CCDC69: variants seen among roughly 807,000 people sequenced by gnomAD.
CCDC69 encodes the protein coiled-coil domain containing 69.
A neutral mutation model predicts 40.3 loss-of-function variants in CCDC69; 38 were observed. That is an observed-to-expected ratio of 0.94 (90% CI 0.73 to 1.24). The LOEUF (loss-of-function observed/expected upper bound fraction) is 1.24, where lower values mean the gene tolerates loss of function less well. CCDC69 is among the 50% of genes most tolerant of loss of function. The pLI is 0.00. For missense variants in CCDC69, 389 were observed against 357.9 expected (o/e 1.09, Z -0.70); for synonymous variants, 141 against 138.9 (o/e 1.02, Z -0.11).
At position 151,183,493 on chromosome 5, in the gene CCDC69, G is replaced by A; in HGVS notation, c.835C>T (p.Pro279Ser). Reference sequence around the variant, plus strand: ...GTGACAGGGGCCAGAGGGAAGGCAGGCGAGGCATTGGCCCCAAGGACCCGG... The same window carrying A: ...GTGACAGGGGCCAGAGGGAAGGCAGACGAGGCATTGGCCCCAAGGACCCGG... ...LYRVLGANAS[P>S]AFPLAPVTPT... Residue 279 changes from proline (P) to serine (S), a missense_variant, in exon 9 of 9, where the codon CCT becomes TCT. Coordinates refer to ENST00000355417, the MANE Select transcript of CCDC69 (RefSeq NM_015621.3). 1 of 1,607,284 alleles carries A rather than the reference G, an allele frequency of 6.2e-7. No individual in the cohort carries two copies.
chr5:151,213,551 C>A (rs1232127534), intron 1 of CCDC69, among the ~76,000 whole-genome samples: 2 of 152,144 alleles, frequency 1.3e-5, no homozygotes, highest in East Asian at 1.9e-4. Flanking sequence ...CATGCCCGGC[C>A]AACTACCCTC....
chr5:151,185,344 C>G, intron 7 of CCDC69, 78 bp downstream of exon 7: 1 of 1,543,916 alleles, frequency 6.5e-7, no homozygotes, highest in African/African-American at 1.4e-5. Context: ...ACCACCTCCC[C>G]TCTGCATGCT....
intron 1 of CCDC69, among the ~76,000 whole-genome samples, chr5:151,216,674 CCAAAGTGCAGGGATTA>C (rs1402993969): frequency 2.0e-5 from 3 of 152,034 alleles, no homozygotes; most frequent in Admixed American, 6.6e-5. Flanking sequence ...CCTCAGTCTC[CCAAAGTGCAGGGATTA>C]CAGGCGTGAG....
At chr5:151,193,610 T>C (rs1752653998) in intron 4 of CCDC69, among the ~76,000 whole-genome samples, 1 of 152,058 alleles carries the variant, frequency 6.6e-6, no homozygotes, top group African/African-American at 2.4e-5. Context: ...GACCACATGA[T>C]TATATGGATC....
At chr5:151,196,567 A>C (rs1344581122) in intron 4 of CCDC69, among the ~76,000 whole-genome samples, 1 of 152,200 alleles carries the variant, frequency 6.6e-6, no homozygotes, top group East Asian at 1.9e-4. Flanking sequence ...TAACATCAGT[A>C]ATATACATAA....
At chr5:151,205,526 T>C (rs1190422709) in intron 1 of CCDC69, 51 bp from the exon 2 acceptor site, 1 of 1,482,046 alleles carries the variant, frequency 6.7e-7, no homozygotes, top group African/African-American at 1.4e-5. Flanking sequence ...GGGAGGTCAA[T>C]GCGAGGACGG....
chr5:151,184,629 T>C, intron 7 of CCDC69, 188 bp from the exon 8 acceptor site: 2 of 520,678 alleles, frequency 3.8e-6, no homozygotes, highest in Non-Finnish European at 6.9e-6. Flanking sequence ...TGCGGCTTTT[T>C]GCCACAGGAG....
chr5:151,221,145 C>T (rs1051800557), intron 1 of CCDC69, among the ~76,000 whole-genome samples: 3 of 152,156 alleles, frequency 2.0e-5, no homozygotes, highest in South Asian at 2.1e-4. Context: ...AACATCTAGT[C>T]GGCCAAGCCC....
intron 6 of CCDC69, 78 bp downstream of exon 6, chr5:151,185,945 G>A: frequency 1.1e-6 from 1 of 932,646 alleles, no homozygotes. Context: ...CTTGAAGAGG[G>A]GCTGGTCTTT....
chr5:151,204,383 T>C (rs1455439469), intron 2 of CCDC69, among the ~76,000 whole-genome samples: 1 of 152,200 alleles, frequency 6.6e-6, no homozygotes, highest in Non-Finnish European at 1.5e-5. Flanking sequence ...TCCAATTACT[T>C]ATGCGGTACT....
intron 4 of CCDC69, among the ~76,000 whole-genome samples, chr5:151,191,638 A>C (rs1178094372): frequency 6.6e-6 from 1 of 152,236 alleles, no homozygotes; most frequent in Non-Finnish European, 1.5e-5. Flanking sequence ...CTCAAGGAAA[A>C]TAAGACTGAA....
chr5:151,189,505 GC>G (rs1217681702), intron 4 of CCDC69, among the ~76,000 whole-genome samples: 1 of 151,630 alleles, frequency 6.6e-6, no homozygotes, highest in African/African-American at 2.4e-5. Flanking sequence ...GTAAGATAAT[GC>G]CCAAATAGCT....
chr5:151,207,277 A>G (rs964037089), intron 1 of CCDC69, among the ~76,000 whole-genome samples: 2 of 150,606 alleles, frequency 1.3e-5, no homozygotes, highest in Non-Finnish European at 3.0e-5. Flanking sequence ...GCTGAAAAAA[A>G]CTATTTGTAG....
rs1285982945 is a variant in CCDC69 at position 151,182,999 on chromosome 5, A to G, written c.*438T>C. On this transcript the variant is annotated 3_prime_UTR_variant, in exon 9 of 9. Coordinates refer to ENST00000355417, the MANE Select transcript of CCDC69 (RefSeq NM_015621.3). ...ACCATTTTAATGCAGGGGTAAACTG[A>G]GGCTCTGAGCAGGCCAGGGTGGAGT... 4 of 457,970 alleles carry G rather than the reference A, an allele frequency of 8.7e-6. No homozygotes were observed. Among genetic ancestry groups the G allele is most frequent in the African/African-American group, 6.0e-5 (3 of 50,164 alleles). The allele number at this position is 457,970 out of a possible 1,614,324, so 28.4% of individuals were successfully genotyped here. A position where few individuals can be genotyped will look rare whatever the true frequency, so the allele number is the denominator to read the frequency against.
intron 1 of CCDC69, among the ~76,000 whole-genome samples, chr5:151,221,784 G>T (rs1004871171): frequency 6.6e-6 from 1 of 152,254 alleles, no homozygotes; most frequent in Admixed American, 6.5e-5. Context: ...TAACCCCTCT[G>T]TAGCCTGAGC....
In CCDC69 at chr5:151,185,401, CA is replaced by C. The variant is rs752378757; in HGVS notation, c.615+20del. 1 of 1,613,048 alleles carries C rather than the reference CA, an allele frequency of 6.2e-7. No homozygotes were observed. The highest frequency in any genetic ancestry group is 1.1e-5 in the South Asian group (1 of 91,012). The stretch of plus-strand genomic sequence containing the variant: ...AGCGGGAGCCTGAGGCTGCATCCCC[CA>C]GCCACTCCCAGTCACAGACCACTGT... On this transcript the variant is annotated intron_variant, in intron 7 of 8. Transcript: ENST00000355417.
intron 1 of CCDC69, among the ~76,000 whole-genome samples, chr5:151,223,179 A>G (rs1753159513): frequency 1.3e-5 from 2 of 152,176 alleles, no homozygotes; most frequent in African/African-American, 4.8e-5. Context: ...CCCAAGGGGC[A>G]GCTGGTCTCA....
intron 1 of CCDC69, among the ~76,000 whole-genome samples, chr5:151,214,349 C>T (rs1245279131): frequency 1.3e-5 from 2 of 152,282 alleles, no homozygotes; most frequent in African/African-American, 4.8e-5. Flanking sequence ...AGGGGCCCCA[C>T]TCCAGGGCCT....
chr5:151,196,418 A>C (rs1331350983), intron 4 of CCDC69, among the ~76,000 whole-genome samples: 1 of 152,134 alleles, frequency 6.6e-6, no homozygotes, highest in Non-Finnish European at 1.5e-5. Flanking sequence ...CGGCCTCCCA[A>C]AGTGCTGGTA....
Sources: gnomAD v4.1 joint callset for allele counts (sites outside exome capture counted in the v4.1 genomes callset) on GRCh38, gnomAD v4.1.1 for gene constraint, MANE v1.5 for transcripts, NCBI Gene and HGNC (gene_info 2026-07-23, HGNC 2026-07-21) for gene names.